Variants in DNAAF9 observed in about 807,000 individuals in gnomAD.
DNAAF9 encodes dynein axonemal assembly factor 9, also known as shulin.
DNAAF9 carries 90 observed loss-of-function variants against 167.0 expected under a neutral mutation model. The ratio of observed to expected loss-of-function variants is 0.54; its 90% CI spans 0.45 to 0.64. The LOEUF is 0.64. Among genes scored for constraint, DNAAF9 ranks in the 30% least tolerant of loss-of-function variants. The pLI is 0.00. For missense variants in DNAAF9, 1,315 were observed against 1,442.2 expected, an observed-to-expected ratio of 0.91 and a Z score of 1.43; for synonymous variants, 491 against 508.8, an observed-to-expected ratio of 0.96 and a Z score of 0.47.
intron 5 of DNAAF9, 71 bp from the exon 6 acceptor site, chr20:3,374,225 A>C: frequency 3.0e-6 from 3 of 985,348 alleles, no homozygotes; most frequent in Non-Finnish European, 4.7e-6. Flanking sequence ...CTGACCTAAC[A>C]TGGTTAGACA....
chr20:3,312,938 A>G (rs1039164931), intron 20 of DNAAF9, among the ~76,000 whole-genome samples: 4 of 152,228 alleles, frequency 2.6e-5, no homozygotes, highest in African/African-American at 9.6e-5. Flanking sequence ...TCAAAAGACT[A>G]TGACTAATAA....
chr20:3,389,381 G>A (rs1004910387), intron 1 of DNAAF9, among the ~76,000 whole-genome samples: 1 of 151,732 alleles, frequency 6.6e-6, no homozygotes, highest in Non-Finnish European at 1.5e-5. Flanking sequence ...AAACTCCTGG[G>A]CTCAAGCAAT....
intron 29 of DNAAF9, among the ~76,000 whole-genome samples, chr20:3,274,090 T>G (rs2068638488): frequency 6.6e-6 from 1 of 152,156 alleles, no homozygotes; most frequent in Admixed American, 6.6e-5. Flanking sequence ...AGAAAAAAAG[T>G]TCTTTTGAAT....
chr20:3,351,309 C>T (rs932918370), intron 7 of DNAAF9, among the ~76,000 whole-genome samples: 2 of 152,114 alleles, frequency 1.3e-5, no homozygotes, highest in Non-Finnish European at 2.9e-5. Context: ...AGTGGAGAAA[C>T]CCCGTCTCTA....
intron 10 of DNAAF9, 71 bp downstream of exon 10, chr20:3,340,433 T>TCCGGGGGGGCCCCCCCCCCCCCCCCC: frequency 4.5e-6 from 1 of 221,214 alleles, no homozygotes; most frequent in East Asian, 1.2e-4. Flanking sequence ...TTTGTCTAGC[T>TCCGGGGGGGCCCCCCCCCCCCCCCCC]CCCCCCACCC....
chr20:3,328,262 A>T (rs748678957), intron 12 of DNAAF9, among the ~76,000 whole-genome samples: 3 of 149,358 alleles, frequency 2.0e-5, no homozygotes, highest in Non-Finnish European at 4.4e-5. Context: ...GCTCACTGCA[A>T]CCTCTGCCTC....
chr20:3,342,419 C>A (rs1370860505), intron 9 of DNAAF9, among the ~76,000 whole-genome samples: 1 of 152,168 alleles, frequency 6.6e-6, no homozygotes, highest in Non-Finnish European at 1.5e-5. Context: ...TTCTCCACTA[C>A]CCTATAAACT....
At chr20:3,353,292 A>C (rs1156727711) in intron 7 of DNAAF9, among the ~76,000 whole-genome samples, 1 of 151,934 alleles carries the variant, frequency 6.6e-6, no homozygotes, top group East Asian at 1.9e-4. Context: ...TGCCTTGCTT[A>C]CTTGGCTCTG....
At chr20:3,301,753 G>A (rs1022091913) in intron 21 of DNAAF9, among the ~76,000 whole-genome samples, 2 of 152,094 alleles carry the variant, frequency 1.3e-5, no homozygotes, top group Admixed American at 1.3e-4. Context: ...TGTTAATGAT[G>A]TAACTTCTTC....
chr20:3,298,001 A>T (rs1481099597), intron 22 of DNAAF9, 28 bp downstream of exon 22: 3 of 1,579,112 alleles, frequency 1.9e-6, no homozygotes, highest in Admixed American at 1.7e-5. Flanking sequence ...AAGTAGTAGT[A>T]GTTTTGCTGA....
chr20:3,289,836 A>T (rs1014727097), intron 26 of DNAAF9, among the ~76,000 whole-genome samples: 2 of 152,112 alleles, frequency 1.3e-5, no homozygotes, highest in African/African-American at 4.8e-5. Context: ...TTTTCTCCAT[A>T]GAACTTTTCA....
At chr20:3,316,887 GTTCTT>G in intron 17 of DNAAF9, 94 bp from the exon 18 acceptor site, 3 of 456,468 alleles carry the variant, frequency 6.6e-6, no homozygotes, top group Non-Finnish European at 3.8e-6. Context: ...AGGAGCTAGG[GTTCTT>G]TTTTTTTTTT....
At chr20:3,332,074 C>A (rs960488518) in intron 11 of DNAAF9, among the ~76,000 whole-genome samples, 1 of 152,222 alleles carries the variant, frequency 6.6e-6, no homozygotes, top group African/African-American at 2.4e-5. Context: ...GTAGGCTGCA[C>A]CAATCATCTT....
At chr20:3,302,172 C>A (rs1486419424) in intron 21 of DNAAF9, among the ~76,000 whole-genome samples, 1 of 152,018 alleles carries the variant, frequency 6.6e-6, no homozygotes, top group African/African-American at 2.4e-5. Flanking sequence ...CTCCTGACCT[C>A]AGGTGATCCA....
chr20:3,368,286 T>C (rs527449240), intron 6 of DNAAF9, among the ~76,000 whole-genome samples: 171 of 152,286 alleles, frequency 1.1e-3, no homozygotes, highest in African/African-American at 3.7e-3. Flanking sequence ...TCTGGAAACT[T>C]TCTCAAAGTG....
intron 1 of DNAAF9, among the ~76,000 whole-genome samples, chr20:3,398,275 T>C (rs1032963675): frequency 1.3e-5 from 2 of 152,218 alleles, no homozygotes; most frequent in Admixed American, 1.3e-4. Flanking sequence ...ACTGTTCTGA[T>C]AGCAGAGTCT....
chr20:3,298,141 T>A lies in DNAAF9; in HGVS notation c.1817A>T (p.Asp606Val). 1 of 1,613,820 alleles carries A rather than the reference T, an allele frequency of 6.2e-7. No homozygotes were observed. The highest frequency in any genetic ancestry group is 8.5e-7 in the Non-Finnish European group (1 of 1,179,806). ...GTGAGGAAGCAATGAGCTTTTGAAG[T>A]CTATGAGAAGAGCAGCAACAGTACT... ...STSTVAALLI[D>V]FKSSLLPHLP... The change falls in exon 22 of 37, where the codon GAC becomes GTC. Residue 606 changes from aspartate to valine, a missense_variant. Transcript: ENST00000252032.
At chr20:3,322,916 A>G (rs571616898) in intron 14 of DNAAF9, among the ~76,000 whole-genome samples, 5 of 152,064 alleles carry the variant, frequency 3.3e-5, no homozygotes, top group African/African-American at 1.2e-4. Flanking sequence ...GCCTCTGTGC[A>G]AGTCCTAAGG....
At chr20:3,296,174 C>T (rs2236103) in intron 23 of DNAAF9, 124,899 of 578,238 alleles carry the variant, frequency 0.22, 14,738 homozygotes, top group African/African-American at 0.37. Flanking sequence ...ACCTGCTAAG[C>T]GGGAGGATAA....
Sources: allele counts gnomAD v4.1 joint callset (sites outside exome capture counted in the v4.1 genomes callset), GRCh38; gene constraint gnomAD v4.1.1; transcripts MANE v1.5; gene names NCBI Gene and HGNC (gene_info 2026-07-23, HGNC 2026-07-21).